Variants in MDGA2 observed in about 807,000 individuals in gnomAD.
MDGA2 encodes the protein MAM domain containing glycosylphosphatidylinositol anchor 2, also known as MAM domain-containing glycosylphosphatidylinositol anchor protein 2.
A neutral mutation model predicts 117.8 loss-of-function variants in MDGA2; 40 were observed. That is an observed-to-expected ratio of 0.34 (90% CI 0.26 to 0.44). MDGA2 has a LOEUF of 0.44. MDGA2 is among the 20% of genes least tolerant of loss of function. The probability of loss-of-function intolerance (pLI) is 1.00; values close to 1 mark genes in which losing one functional copy is unlikely to be tolerated. For synonymous variants in MDGA2, 452 were observed against 439.0 expected, an observed-to-expected ratio of 1.03 and a Z score of -0.37; for missense variants, 1,123 against 1,250.6, an observed-to-expected ratio of 0.90 and a Z score of 1.54.
chr14:47,591,981 T>C (rs1896449620), intron 1 of MDGA2, among the ~76,000 whole-genome samples: 1 of 151,324 alleles, frequency 6.6e-6, no homozygotes, highest in Non-Finnish European at 1.5e-5. Context: ...AAAGAGAAAG[T>C]TGAAGTGTGC....
chr14:47,493,072 A>G lies in MDGA2; in HGVS notation c.280+181445T>C, dbSNP rs17683992. Among the ~76,000 whole-genome samples the G allele has an allele frequency of 4.4e-3, 666 of 152,020 alleles. 5 individuals carry two copies. Among genetic ancestry groups the G allele is most frequent in the Non-Finnish European group, 6.8e-3 (459 of 67,940 alleles). On this transcript the variant is annotated intron_variant, in intron 1 of 16. Coordinates refer to ENST00000399232, the MANE Select transcript of MDGA2 (RefSeq NM_001113498.3). Reference sequence around the variant, plus strand: ...CTTATTACCAGTATCAAAATAATACAGTGCATAGGTATCATGAATGTGGCT... The same window carrying G: ...CTTATTACCAGTATCAAAATAATACGGTGCATAGGTATCATGAATGTGGCT...
At chr14:47,113,805 G>T (rs997055322) in intron 5 of MDGA2, among the ~76,000 whole-genome samples, 2 of 152,112 alleles carry the variant, frequency 1.3e-5, no homozygotes, top group African/African-American at 4.8e-5. Flanking sequence ...ATATCATACT[G>T]AATGGGCAAA....
intron 2 of MDGA2, among the ~76,000 whole-genome samples, chr14:47,234,564 G>T (rs1886797779): frequency 6.6e-6 from 1 of 151,916 alleles, no homozygotes; most frequent in East Asian, 1.9e-4. Flanking sequence ...AATTTCTCTG[G>T]CAAGAGTACA....
At chr14:47,628,787 A>C (rs1243204795) in intron 1 of MDGA2, among the ~76,000 whole-genome samples, 2 of 152,244 alleles carry the variant, frequency 1.3e-5, no homozygotes, top group African/African-American at 4.8e-5. Context: ...TGTGAGAGTT[A>C]CAGCTCACTT....
chr14:46,991,086 G>T (rs1170667324), intron 8 of MDGA2, among the ~76,000 whole-genome samples: 1 of 152,028 alleles, frequency 6.6e-6, no homozygotes, highest in Non-Finnish European at 1.5e-5. Flanking sequence ...TATTTAACTT[G>T]TCTTATTGGG....
At chr14:47,343,046 T>A in intron 1 of MDGA2, 1 of 1,282,516 alleles carries the variant, frequency 7.8e-7, no homozygotes, top group Non-Finnish European at 1.0e-6. Context: ...AGCACTACCG[T>A]GAGTCCTGCG....
intron 1 of MDGA2, among the ~76,000 whole-genome samples, chr14:47,378,456 C>A (rs1045801551): frequency 2.0e-5 from 3 of 152,044 alleles, no homozygotes; most frequent in African/African-American, 7.2e-5. Context: ...CGCAAAGAAG[C>A]TAAAAACCTT....
chr14:47,567,675 T>C (rs1277302491), intron 1 of MDGA2, among the ~76,000 whole-genome samples: 1 of 152,214 alleles, frequency 6.6e-6, no homozygotes, highest in African/African-American at 2.4e-5. Context: ...AGAAAATGCC[T>C]AGACTTCCAA....
At chr14:47,399,004 T>G (rs181040905) in intron 1 of MDGA2, among the ~76,000 whole-genome samples, 245 of 152,338 alleles carry the variant, frequency 1.6e-3, no homozygotes, top group Non-Finnish European at 2.6e-3. Context: ...GAACAAATCT[T>G]ACTCTTTCAA....
chr14:47,024,088 CAGAT>C (rs780529211), intron 8 of MDGA2, among the ~76,000 whole-genome samples: 7 of 152,202 alleles, frequency 4.6e-5, no homozygotes, highest in Non-Finnish European at 7.4e-5. Flanking sequence ...CAGACATAGA[CAGAT>C]AGACAGGTGG....
At chr14:47,490,740 T>C (rs572038657) in intron 1 of MDGA2, among the ~76,000 whole-genome samples, 153 of 152,190 alleles carry the variant, frequency 1.0e-3, no homozygotes, top group Non-Finnish European at 1.8e-3. Flanking sequence ...TAAGTGATAA[T>C]AAAAAATATT....
chr14:47,154,866 T>C (rs77585539), intron 3 of MDGA2, among the ~76,000 whole-genome samples: 7,655 of 152,224 alleles, frequency 0.05, 208 homozygotes, highest in Middle Eastern at 0.082. Flanking sequence ...CTTCAAACCA[T>C]GGACTCTGTA....
intron 2 of MDGA2, among the ~76,000 whole-genome samples, chr14:47,278,635 C>A (rs1052979458): frequency 7.9e-5 from 12 of 152,146 alleles, no homozygotes; most frequent in Non-Finnish European, 1.6e-4. Context: ...TTTTCTTTTT[C>A]TAGTCCTCAC....
intron 3 of MDGA2, among the ~76,000 whole-genome samples, chr14:47,172,556 T>C (rs1246727826): frequency 2.0e-5 from 3 of 152,178 alleles, no homozygotes; most frequent in East Asian, 1.9e-4. Context: ...AGTGGACCTC[T>C]AGCAAACTCC....
chr14:47,305,306 G>A (rs1001310328), intron 1 of MDGA2: 17 of 152,192 alleles, frequency 1.1e-4, no homozygotes, highest in African/African-American at 4.1e-4. Flanking sequence ...TGGACTAAGG[G>A]TTAAGATCTC....
At chr14:47,344,887 G>T (rs1890731460) in intron 1 of MDGA2, among the ~76,000 whole-genome samples, 1 of 151,696 alleles carries the variant, frequency 6.6e-6, no homozygotes, top group Admixed American at 6.6e-5. Context: ...GTGTGTGTGT[G>T]TGTGTTTATG....
chr14:47,157,103 C>T (rs958763344), intron 3 of MDGA2, among the ~76,000 whole-genome samples: 3 of 152,064 alleles, frequency 2.0e-5, no homozygotes, highest in African/African-American at 7.2e-5. Context: ...AATTCAAAAG[C>T]ACTGTTTTCT....
intron 10 of MDGA2, among the ~76,000 whole-genome samples, chr14:46,912,916 T>C (rs1211364188): frequency 6.6e-6 from 1 of 152,182 alleles, no homozygotes; most frequent in Admixed American, 6.5e-5. Flanking sequence ...AAGATGAAGA[T>C]AAACTTCACT....
intron 1 of MDGA2, among the ~76,000 whole-genome samples, chr14:47,451,369 TC>T (rs142016480): frequency 0.31 from 46,659 of 151,826 alleles, 7,483 homozygotes; most frequent in South Asian, 0.53. Flanking sequence ...TGATTTTTTT[TC>T]CTGATCACTT....
Sources: allele counts gnomAD v4.1 joint callset (sites outside exome capture counted in the v4.1 genomes callset), GRCh38; gene constraint gnomAD v4.1.1; transcripts MANE v1.5; gene names NCBI Gene and HGNC (gene_info 2026-07-23, HGNC 2026-07-21).